ADGRG7: variants seen among roughly 807,000 people sequenced by gnomAD.
ADGRG7 encodes adhesion G protein-coupled receptor G7, also known as G-protein coupled receptor 128.
A neutral mutation model predicts 88.6 loss-of-function variants in ADGRG7; 82 were observed. The ratio of observed to expected loss-of-function variants is 0.93; its 90% CI spans 0.77 to 1.11. ADGRG7 has a LOEUF of 1.11. Among genes scored for constraint, ADGRG7 ranks in the 50% most tolerant of loss-of-function variants. The pLI is 0.00. For synonymous variants in ADGRG7, 381 were observed against 345.2 expected (o/e 1.10, Z -1.15); for missense variants, 945 against 953.4 (o/e 0.99, Z 0.12).
chr3:100,686,518 T>G (rs1236424707), intron 15 of ADGRG7, among the ~76,000 whole-genome samples: 4 of 152,242 alleles, frequency 2.6e-5, no homozygotes, highest in Non-Finnish European at 4.4e-5. Context: ...GGTCTAACAT[T>G]TAAGTATTTA....
chr3:100,665,650 G>A (rs1252674818), intron 14 of ADGRG7, among the ~76,000 whole-genome samples: 4 of 152,194 alleles, frequency 2.6e-5, no homozygotes, highest in Non-Finnish European at 5.9e-5. Flanking sequence ...AACATTAAAA[G>A]TATGTTTACT....
At chr3:100,673,218 C>T (rs993262463) in intron 15 of ADGRG7, among the ~76,000 whole-genome samples, 2 of 152,088 alleles carry the variant, frequency 1.3e-5, no homozygotes, top group African/African-American at 2.4e-5. Flanking sequence ...GATTGGTAGG[C>T]TATTAATTAC....
chr3:100,678,425 G>A (rs1426317094), intron 15 of ADGRG7, among the ~76,000 whole-genome samples: 1 of 151,936 alleles, frequency 6.6e-6, no homozygotes, highest in Non-Finnish European at 1.5e-5. Context: ...TCTGGGATTG[G>A]TCACTGGTGC....
At chr3:100,663,078 G>A (rs1281389858) in intron 14 of ADGRG7, among the ~76,000 whole-genome samples, 2 of 152,042 alleles carry the variant, frequency 1.3e-5, no homozygotes, top group Non-Finnish European at 2.9e-5. Context: ...TAGGAGTCAG[G>A]CAAGCTCAAA....
At chr3:100,684,376 A>C (rs1043292759) in intron 15 of ADGRG7, among the ~76,000 whole-genome samples, 17 of 151,378 alleles carry the variant, frequency 1.1e-4, no homozygotes, top group Non-Finnish European at 2.5e-4. Context: ...TGATCCCCCC[A>C]CCTCAACCTC....
At chr3:100,636,889 T>C (rs920282373) in intron 5 of ADGRG7, among the ~76,000 whole-genome samples, 5 of 152,196 alleles carry the variant, frequency 3.3e-5, no homozygotes, top group Non-Finnish European at 5.9e-5. Flanking sequence ...TTTTACTAAG[T>C]CTAACAGGTA....
At chr3:100,666,267 T>C (rs985788829) in intron 14 of ADGRG7, among the ~76,000 whole-genome samples, 2 of 152,196 alleles carry the variant, frequency 1.3e-5, no homozygotes, top group East Asian at 3.9e-4. Flanking sequence ...GGAACCAGCG[T>C]TCAGCATATG....
At chr3:100,641,932 T>G (rs1707647565) in intron 6 of ADGRG7, among the ~76,000 whole-genome samples, 1 of 152,232 alleles carries the variant, frequency 6.6e-6, no homozygotes, top group Non-Finnish European at 1.5e-5. Flanking sequence ...ATGACTTATT[T>G]TAGTCAATTG....
chr3:100,641,929 A>ATT (rs1707647528), intron 6 of ADGRG7, among the ~76,000 whole-genome samples: 2 of 152,222 alleles, frequency 1.3e-5, no homozygotes, highest in Admixed American at 1.3e-4. Context: ...CTGATGACTT[A>ATT]TTTTAGTCAA....
chr3:100,673,497 T>G (rs1430146797), intron 15 of ADGRG7, among the ~76,000 whole-genome samples: 2 of 151,084 alleles, frequency 1.3e-5, no homozygotes, highest in Admixed American at 6.6e-5. Context: ...AGTCTCGGTC[T>G]GTCATGCAGG....
At chr3:100,665,512 T>A in intron 14 of ADGRG7, 1 of 477,434 alleles carries the variant, frequency 2.1e-6, no homozygotes, top group Non-Finnish European at 4.3e-6. Flanking sequence ...TGCCTTCACT[T>A]GGGCACCTTT....
chr3:100,628,469 G>A (rs934810871), intron 1 of ADGRG7, among the ~76,000 whole-genome samples: 1 of 151,122 alleles, frequency 6.6e-6, no homozygotes, highest in African/African-American at 2.4e-5. Context: ...AGTGATTCTC[G>A]TGCCTCAGCC....
At chr3:100,634,806 T>C (rs1011376113) in intron 4 of ADGRG7, among the ~76,000 whole-genome samples, 2 of 152,196 alleles carry the variant, frequency 1.3e-5, no homozygotes, top group African/African-American at 4.8e-5. Flanking sequence ...ACAAAGTTGT[T>C]TTGCTTATTA....
chr3:100,673,689 C>A (rs1005686249), intron 15 of ADGRG7, among the ~76,000 whole-genome samples: 2 of 152,014 alleles, frequency 1.3e-5, no homozygotes, highest in African/African-American at 4.8e-5. Context: ...AAACTCCTGA[C>A]CTCATGGTCC....
chr3:100,683,479 C>A (rs1328083949), intron 15 of ADGRG7, among the ~76,000 whole-genome samples: 1 of 152,228 alleles, frequency 6.6e-6, no homozygotes, highest in East Asian at 1.9e-4. Context: ...AGGCCTGGTC[C>A]ATCTGCAGCC....
chr3:100,634,711 C>A (rs887132058), intron 4 of ADGRG7, among the ~76,000 whole-genome samples: 1 of 152,182 alleles, frequency 6.6e-6, no homozygotes, highest in African/African-American at 2.4e-5. Flanking sequence ...ATCTGGCAAA[C>A]CAGTGTTTGG....
At chr3:100,624,297 T>A (rs916791070) in intron 1 of ADGRG7, among the ~76,000 whole-genome samples, 1 of 152,202 alleles carries the variant, frequency 6.6e-6, no homozygotes, top group Non-Finnish European at 1.5e-5. Flanking sequence ...CAGTGTGAAG[T>A]TGAGCTTGTT....
At chr3:100,658,160 T>A (rs2094940120) in intron 13 of ADGRG7, among the ~76,000 whole-genome samples, 1 of 152,186 alleles carries the variant, frequency 6.6e-6, no homozygotes, top group African/African-American at 2.4e-5. Flanking sequence ...GCTCAGATTT[T>A]GGAGTCATTC....
At chr3:100,636,541 G>T (rs1707544345) in intron 5 of ADGRG7, among the ~76,000 whole-genome samples, 1 of 151,958 alleles carries the variant, frequency 6.6e-6, no homozygotes, top group Non-Finnish European at 1.5e-5. Context: ...ATCAAACAGG[G>T]CTACAAACCA....
Sources: allele counts gnomAD v4.1 joint callset (sites outside exome capture counted in the v4.1 genomes callset), GRCh38; gene constraint gnomAD v4.1.1; transcripts MANE v1.5; gene names NCBI Gene and HGNC (gene_info 2026-07-23, HGNC 2026-07-21).